TRIM71: variants seen among roughly 807,000 people sequenced by gnomAD.
TRIM71 encodes the protein tripartite motif containing 71, also known as E3 ubiquitin-protein ligase TRIM71.
Under a neutral mutation model 61.2 loss-of-function variants are expected in TRIM71, and 9 were observed. The observed-to-expected ratio is 0.15, with a 90% confidence interval of 0.09 to 0.26. The LOEUF is 0.26. Ranked by LOEUF, TRIM71 falls within the 10% of genes least tolerant of loss-of-function variation. The pLI, the probability that TRIM71 is intolerant of heterozygous loss-of-function variation, is 1.00. For missense variants in TRIM71, 998 were observed against 1,238.7 expected (o/e 0.81, Z 2.92); for synonymous variants, 645 against 553.2 (o/e 1.17, Z -2.33).
chr3:32,842,355 GTCT>G (rs1391789592), intron 1 of TRIM71, among the ~76,000 whole-genome samples: 2 of 152,170 alleles, frequency 1.3e-5, no homozygotes, highest in South Asian at 4.1e-4. Context: ...GCCTGTGTTT[GTCT>G]TCTTTGTAAG....
chr3:32,887,228 T>G (rs559258634), intron 3 of TRIM71, among the ~76,000 whole-genome samples: 1 of 152,218 alleles, frequency 6.6e-6, no homozygotes, highest in South Asian at 2.1e-4. Context: ...TTAGTTACCC[T>G]CCCTCCTGTG....
chr3:32,866,237 T>G (rs1696735555), intron 1 of TRIM71, among the ~76,000 whole-genome samples: 1 of 151,474 alleles, frequency 6.6e-6, no homozygotes, highest in Non-Finnish European at 1.5e-5. Flanking sequence ...CACCAGGCCT[T>G]TTTGTTTGGT....
At position 32,834,876 on chromosome 3, in the gene TRIM71, T is replaced by C. The variant is rs9816221; in HGVS notation, c.852+15944T>C. Among the ~76,000 whole-genome samples, 1,396 of 152,308 alleles carry C rather than the reference T, an allele frequency of 9.2e-3. 23 individuals are homozygous for C. Among genetic ancestry groups the C allele is most frequent in the African/African-American group, 0.032 (1,348 of 41,568 alleles). On this transcript the variant is annotated intron_variant, in intron 1 of 3. Coordinates refer to ENST00000383763, the MANE Select transcript of TRIM71 (RefSeq NM_001039111.3). Reference sequence around the variant, plus strand: ...GGGATGGTGTTCACATTTGGCGTTTTGAGCATTCATTTTGTCTAGGGTCTA... The same window carrying C: ...GGGATGGTGTTCACATTTGGCGTTTCGAGCATTCATTTTGTCTAGGGTCTA...
intron 1 of TRIM71, among the ~76,000 whole-genome samples, chr3:32,873,437 A>G (rs2125688806): frequency 6.6e-6 from 1 of 152,296 alleles, no homozygotes; most frequent in Admixed American, 6.5e-5. Context: ...AGACTAGGTA[A>G]CACAGTCTTA....
At position 32,895,978 on chromosome 3, in the gene TRIM71, T is replaced by A. The variant is rs1033140118; in HGVS notation, c.*4167T>A. 6.6e-6 allele frequency: 1 copy of A among 152,298 alleles called. No individual in the cohort carries two copies. The highest frequency in any genetic ancestry group is 1.5e-5 in the Non-Finnish European group (1 of 68,050). 9.4% of individuals were successfully genotyped at this position (152,298 alleles called of 1,614,324 possible). A position where few individuals can be genotyped will look rare whatever the true frequency, so the allele number is the denominator to read the frequency against. ...CTGATTTCTCCCAGGAGAAATGTTCTACTTACCTTGAAAGAGAAATGTCAG... is the reference window on the plus strand; with the variant it reads ...CTGATTTCTCCCAGGAGAAATGTTCAACTTACCTTGAAAGAGAAATGTCAG... On this transcript the variant is annotated 3_prime_UTR_variant, in exon 4 of 4. Coordinates refer to ENST00000383763, the MANE Select transcript of TRIM71 (RefSeq NM_001039111.3).
intron 1 of TRIM71, among the ~76,000 whole-genome samples, chr3:32,857,134 C>A (rs1003268940): frequency 1.3e-5 from 2 of 152,216 alleles, no homozygotes; most frequent in African/African-American, 4.8e-5. Flanking sequence ...GCCATGTACA[C>A]ACTTCTCTTC....
chr3:32,822,938 T>TA (rs547221520), intron 1 of TRIM71, among the ~76,000 whole-genome samples: 23 of 152,322 alleles, frequency 1.5e-4, no homozygotes, highest in African/African-American at 4.8e-4. Flanking sequence ...AACAAATTTT[T>TA]AAAAAAAATT....
In TRIM71 at chr3:32,818,847, T is replaced by C; in HGVS notation, c.767T>C (p.Leu256Pro). Residue 256 changes from leucine (L) to proline (P), a missense_variant, in exon 1 of 4, where the codon CTC becomes CCC. This residue lies in a region of TRIM71 where 527 missense variants were observed against 427.8 expected (regional missense o/e 1.23). Coordinates refer to ENST00000383763, the MANE Select transcript of TRIM71 (RefSeq NM_001039111.3). The part of the protein sequence containing the change: ...GAAAAAQQLG[L>P]GPPFPGPPFS... Reference sequence around the variant, plus strand: ...GCAGCAGCGGCGCAGCAGCTCGGGCTCGGGCCGCCCTTTCCCGGCCCGCCC... The same window carrying C: ...GCAGCAGCGGCGCAGCAGCTCGGGCCCGGGCCGCCCTTTCCCGGCCCGCCC... 1 of 1,612,238 alleles carries C rather than the reference T, an allele frequency of 6.2e-7. No homozygotes were observed. Among genetic ancestry groups the C allele is most frequent in the South Asian group, 1.1e-5 (1 of 91,074 alleles).
chr3:32,873,916 A>C lies in TRIM71; in HGVS notation c.951A>C (p.Ala317=), dbSNP rs748533376. 6.2e-7 allele frequency: 1 copy of C among 1,613,984 alleles called. No homozygotes were observed. The highest frequency in any genetic ancestry group is 1.3e-5 in the African/African-American group (1 of 75,042). Residue 317 remains alanine, a synonymous_variant, in exon 2 of 4, where the codon GCA becomes GCC. Transcript: ENST00000383763. ...GGHSFIYLQE[A]LQDSRALTIQ... is the part of the protein sequence containing the mutation. ...ACAGCTTCATCTACCTCCAGGAGGC[A>C]CTGCAGGACTCACGGGCACTCACCA...
chr3:32,842,822 C>CT (rs1254115253), intron 1 of TRIM71, among the ~76,000 whole-genome samples: 1 of 152,092 alleles, frequency 6.6e-6, no homozygotes, highest in African/African-American at 2.4e-5. Flanking sequence ...GAAACCCCTT[C>CT]TTGAGAGGTG....
intron 1 of TRIM71, among the ~76,000 whole-genome samples, chr3:32,871,349 A>G (rs1164308541): frequency 6.6e-6 from 1 of 152,204 alleles, no homozygotes; most frequent in Non-Finnish European, 1.5e-5. Context: ...CAGTCCACAC[A>G]GCTGTCTTGA....
At chr3:32,865,923 C>G (rs1696730410) in intron 1 of TRIM71, among the ~76,000 whole-genome samples, 2 of 145,530 alleles carry the variant, frequency 1.4e-5, no homozygotes, top group East Asian at 2.1e-4. Flanking sequence ...GCCTCCTGGG[C>G]TCAAGCGATT....
At chr3:32,820,441 C>A (rs1166764973) in intron 1 of TRIM71, among the ~76,000 whole-genome samples, 1 of 152,224 alleles carries the variant, frequency 6.6e-6, no homozygotes, top group East Asian at 1.9e-4. Flanking sequence ...TGAATGGACT[C>A]CTAGTTTTAA....
intron 2 of TRIM71, among the ~76,000 whole-genome samples, chr3:32,874,361 T>TACA (rs1491495137): frequency 9.7e-6 from 1 of 103,452 alleles, no homozygotes; most frequent in Admixed American, 8.9e-5. Flanking sequence ...CTACTACTAC[T>TACA]ACTACTACAA....
chr3:32,851,516 C>T (rs1696538058), intron 1 of TRIM71, among the ~76,000 whole-genome samples: 1 of 152,134 alleles, frequency 6.6e-6, no homozygotes, highest in African/African-American at 2.4e-5. Flanking sequence ...CTTGCTCTGT[C>T]GCCAAGGCTG....
rs1241908851 is a variant in TRIM71 at position 32,818,944 on chromosome 3, G to A, written c.852+12G>A. On this transcript the variant is annotated intron_variant, in intron 1 of 3. Coordinates refer to ENST00000383763, the MANE Select transcript of TRIM71 (RefSeq NM_001039111.3). ...ACCACGACGACGAGGTGAGTGCGTG[G>A]GGGCGTGTGTTTGTGTCCATCGGAT... The A allele has an allele frequency of 6.2e-7, 1 of 1,610,234 alleles. No homozygotes were observed. The highest frequency in any genetic ancestry group is 1.7e-5 in the Admixed American group (1 of 59,090).
chr3:32,818,719 C>G lies in TRIM71; in HGVS notation c.639C>G (p.Leu213=), dbSNP rs1442499457. The G allele has an allele frequency of 2.5e-6, 4 of 1,594,216 alleles. No individual in the cohort carries two copies. Among genetic ancestry groups the G allele is most frequent in the African/African-American group, 2.7e-5 (2 of 74,698 alleles). ...GCAACGCAGCTTCTTCGCGCTGCCTCGACTGCCAGGAGCACCTGTGCGACA... is the reference window on the plus strand; with the variant it reads ...GCAACGCAGCTTCTTCGCGCTGCCTGGACTGCCAGGAGCACCTGTGCGACA... The part of the protein sequence containing the change: ...DEGNAASSRC[L]DCQEHLCDNC... The change falls in exon 1 of 4, where the codon CTC becomes CTG. Residue 213 remains leucine, a synonymous_variant. Coordinates refer to ENST00000383763, the MANE Select transcript of TRIM71 (RefSeq NM_001039111.3).
intron 1 of TRIM71, among the ~76,000 whole-genome samples, chr3:32,823,270 A>G (rs1270555778): frequency 3.3e-5 from 5 of 152,228 alleles, no homozygotes; most frequent in Admixed American, 6.5e-5. Flanking sequence ...ATTAAAGTGC[A>G]TAGGAATGGA....
intron 1 of TRIM71, among the ~76,000 whole-genome samples, chr3:32,834,897 G>C (rs893402138): frequency 2.0e-5 from 3 of 152,160 alleles, no homozygotes; most frequent in African/African-American, 7.2e-5. Context: ...TTTGTCTAGG[G>C]TCTACTGCAT....
Sources: allele counts gnomAD v4.1 joint callset (sites outside exome capture counted in the v4.1 genomes callset), GRCh38; gene constraint gnomAD v4.1.1; regional missense constraint gnomAD v4.1.1; transcripts MANE v1.5; gene names NCBI Gene and HGNC (gene_info 2026-07-23, HGNC 2026-07-21).